SDK1: variants seen among roughly 807,000 people sequenced by gnomAD.
The protein encoded by SDK1 is protein sidekick-1.
SDK1 carries 157 observed loss-of-function variants against 245.5 expected under a neutral mutation model. The observed-to-expected ratio is 0.64, with a 90% confidence interval of 0.56 to 0.73. The LOEUF is 0.73. SDK1 is among the 30% of genes least tolerant of loss of function. The pLI, the probability that SDK1 is intolerant of heterozygous loss-of-function variation, is 0.00. For synonymous variants in SDK1, 1,647 were observed against 1,278.5 expected, an observed-to-expected ratio of 1.29 and a Z score of -6.15; for missense variants, 3,583 against 3,002.3, an observed-to-expected ratio of 1.19 and a Z score of -4.52.
At chr7:3,340,059 G>A (rs1348461815) in intron 1 of SDK1, among the ~76,000 whole-genome samples, 1 of 152,090 alleles carries the variant, frequency 6.6e-6, no homozygotes, top group East Asian at 1.9e-4. Context: ...AAATCCCACA[G>A]ATAACTTTGT....
In SDK1 at chr7:3,812,554, A is replaced by T. The variant is rs549670378; in HGVS notation, c.714-8896A>T. 1.3e-3 allele frequency among the ~76,000 whole-genome samples: 196 copies of T among 152,318 alleles called. 2 individuals carry two copies. Among genetic ancestry groups the T allele is most frequent in the African/African-American group, 4.5e-3 (185 of 41,562 alleles). On this transcript the variant is annotated intron_variant, in intron 4 of 44. Transcript: ENST00000404826. ...TTTTCCATATACTTGCCATTATGAG[A>T]TTAACAATGACTCTCCTAGAAAAGG...
intron 22 of SDK1, among the ~76,000 whole-genome samples, chr7:4,106,785 G>A (rs759912321): frequency 2.0e-5 from 3 of 152,098 alleles, no homozygotes; most frequent in East Asian, 2.0e-4. Flanking sequence ...GTTCTCTTTC[G>A]TTCCTCTTGG....
chr7:3,976,006 ACGCAGAGGATCCTCCAGAGAAT>A (rs1228282415), intron 13 of SDK1, among the ~76,000 whole-genome samples: 2 of 5,416 alleles, frequency 3.7e-4, no homozygotes, highest in African/African-American at 1.5e-3. Flanking sequence ...TGAGGCTGCC[ACGCAGAGGATCCTCCAGAGAAT>A]CACTGGGGGT....
At chr7:3,433,767 A>G (rs1329890444) in intron 1 of SDK1, among the ~76,000 whole-genome samples, 4 of 152,072 alleles carry the variant, frequency 2.6e-5, no homozygotes, top group African/African-American at 9.7e-5. Context: ...AAAGAATACT[A>G]TTGTAAATTT....
chr7:3,545,155 TTTAA>T (rs1394927504), intron 1 of SDK1, among the ~76,000 whole-genome samples: 1 of 151,894 alleles, frequency 6.6e-6, no homozygotes, highest in African/African-American at 2.4e-5. Flanking sequence ...AGGAGAGAGT[TTTAA>T]TTGACGCCTA....
intron 1 of SDK1, among the ~76,000 whole-genome samples, chr7:3,309,058 A>G (rs1212632151): frequency 6.6e-6 from 1 of 152,146 alleles, no homozygotes; most frequent in East Asian, 1.9e-4. Flanking sequence ...GGGATTTTGT[A>G]TCATAAAGGT....
In SDK1 at chr7:4,114,140, G is replaced by A. The variant is rs772658499; in HGVS notation, c.3689G>A (p.Ser1230Asn). ...LQSSAVAQVV[S>N]DRLEREFTIE... ...TCCTCAGCAGTGGCCCAAGTCGTCA[G>A]TGACCGGCTGGAGAGAGAATTCACC... The change falls in exon 25 of 45, where the codon AGT (serine) becomes AAT (asparagine). Residue 1230 changes from serine (S) to asparagine (N), a missense_variant. By Grantham distance (46) the Ser-to-Asn change is conservative. Coordinates refer to ENST00000404826, the MANE Select transcript of SDK1 (RefSeq NM_152744.4). The A allele has an allele frequency of 1.9e-6, 3 of 1,614,252 alleles. No individual in the cohort carries two copies. In the East Asian group the frequency reaches 6.7e-5, roughly 36 times the overall value.
chr7:4,153,181 C>T (rs1358398292), intron 30 of SDK1, among the ~76,000 whole-genome samples: 1 of 150,904 alleles, frequency 6.6e-6, no homozygotes, highest in Non-Finnish European at 1.5e-5. Flanking sequence ...GCATGGAAAA[C>T]AGCAGGGATT....
intron 32 of SDK1, among the ~76,000 whole-genome samples, chr7:4,166,106 T>G (rs1306068274): frequency 2.6e-5 from 4 of 152,240 alleles, no homozygotes; most frequent in Non-Finnish European, 4.4e-5. Context: ...GTTTTGAGAC[T>G]GTTTTCTAGC....
chr7:4,033,600 A>G (rs986612829), intron 17 of SDK1, among the ~76,000 whole-genome samples: 1 of 152,220 alleles, frequency 6.6e-6, no homozygotes, highest in Non-Finnish European at 1.5e-5. Flanking sequence ...TCTCTATATT[A>G]AGAGCTCTAA....
chr7:3,867,460 G>A (rs1780848773), intron 5 of SDK1, among the ~76,000 whole-genome samples: 2 of 152,310 alleles, frequency 1.3e-5, no homozygotes, highest in East Asian at 1.9e-4. Context: ...AGGTTTAATG[G>A]ACTCACAGTG....
At chr7:3,830,165 C>A (rs1383613079) in intron 5 of SDK1, among the ~76,000 whole-genome samples, 2 of 152,064 alleles carry the variant, frequency 1.3e-5, no homozygotes, top group Non-Finnish European at 2.9e-5. Context: ...GTAAACTTCA[C>A]CCAGGGAGTA....
At chr7:3,712,711 G>T (rs915522770) in intron 4 of SDK1, among the ~76,000 whole-genome samples, 15 of 152,224 alleles carry the variant, frequency 9.9e-5, no homozygotes, top group Non-Finnish European at 1.9e-4. Context: ...CTGGGCAGTA[G>T]TTACCTTGTT....
At chr7:3,760,410 G>A (rs1249449703) in intron 4 of SDK1, among the ~76,000 whole-genome samples, 3 of 152,148 alleles carry the variant, frequency 2.0e-5, no homozygotes, top group Non-Finnish European at 4.4e-5. Flanking sequence ...TTATTCTTGT[G>A]TGACTGTCAT....
chr7:3,450,710 A>G (rs189585197), intron 1 of SDK1, among the ~76,000 whole-genome samples: 84 of 152,302 alleles, frequency 5.5e-4, no homozygotes, highest in Non-Finnish European at 9.0e-4. Flanking sequence ...ACCTTAGCTC[A>G]TGTGAAAAGA....
At chr7:3,445,897 TG>T (rs1334453021) in intron 1 of SDK1, among the ~76,000 whole-genome samples, 4 of 152,230 alleles carry the variant, frequency 2.6e-5, no homozygotes, top group African/African-American at 9.6e-5. Context: ...TTATCACTTT[TG>T]TTTTTTTCAA....
chr7:4,107,123 G>GGTGGGGAGT (rs1782979012), intron 22 of SDK1, among the ~76,000 whole-genome samples: 3 of 135,600 alleles, frequency 2.2e-5, no homozygotes, highest in Non-Finnish European at 4.7e-5. Flanking sequence ...GGGTGGGGAG[G>GGTGGGGAGT]GTGGGGAGGG....
At chr7:3,697,148 A>T (rs576216573) in intron 4 of SDK1, among the ~76,000 whole-genome samples, 1 of 152,350 alleles carries the variant, frequency 6.6e-6, no homozygotes, top group Non-Finnish European at 1.5e-5. Flanking sequence ...GAATGAAGTG[A>T]ACATCAATGA....
At chr7:3,518,562 C>A (rs530421605) in intron 1 of SDK1, among the ~76,000 whole-genome samples, 1 of 151,612 alleles carries the variant, frequency 6.6e-6, no homozygotes, top group African/African-American at 2.4e-5. Context: ...TATACATGAG[C>A]AACAAATATA....
Sources: allele counts gnomAD v4.1 joint callset (sites outside exome capture counted in the v4.1 genomes callset), GRCh38; gene constraint gnomAD v4.1.1; transcripts MANE v1.5; gene names NCBI Gene and HGNC (gene_info 2026-07-23, HGNC 2026-07-21).